PCCA: variants seen among roughly 807,000 people sequenced by gnomAD.
PCCA encodes propionyl-CoA carboxylase alpha chain, mitochondrial.
Under a neutral mutation model 101.3 loss-of-function variants are expected in PCCA, and 74 were observed. That is an observed-to-expected ratio of 0.73 (90% CI 0.61 to 0.89). PCCA has a LOEUF of 0.89. Ranked by LOEUF, PCCA falls within the 40% of genes least tolerant of loss-of-function variation. The pLI is 0.00. For missense variants in PCCA, 891 were observed against 907.0 expected (o/e 0.98, Z 0.23); for synonymous variants, 294 against 313.6 (o/e 0.94, Z 0.66).
intron 8 of PCCA, among the ~76,000 whole-genome samples, chr13:100,247,867 T>C (rs1208798962): frequency 6.6e-6 from 1 of 152,188 alleles, no homozygotes; most frequent in Non-Finnish European, 1.5e-5. Context: ...AAAAGTGATT[T>C]TCCAATTTTT....
intron 12 of PCCA, among the ~76,000 whole-genome samples, chr13:100,292,524 A>G (rs1161829064): frequency 6.6e-6 from 1 of 152,212 alleles, no homozygotes; most frequent in African/African-American, 2.4e-5. Flanking sequence ...GCTAACTGTG[A>G]GTATCTTATC....
chr13:100,513,986 T>G (rs2086658326), intron 21 of PCCA, among the ~76,000 whole-genome samples: 1 of 152,320 alleles, frequency 6.6e-6, no homozygotes, highest in African/African-American at 2.4e-5. Context: ...AATGAAGGAC[T>G]TGGAGGTACA....
intron 6 of PCCA, among the ~76,000 whole-genome samples, chr13:100,173,421 G>A (rs1594531112): frequency 2.6e-5 from 4 of 152,194 alleles, no homozygotes; most frequent in Admixed American, 2.6e-4. Context: ...ATGACGAGCT[G>A]CAGACATTGA....
chr13:100,311,326 TGGAG>T (rs2066900838), intron 16 of PCCA, among the ~76,000 whole-genome samples: 1 of 152,062 alleles, frequency 6.6e-6, no homozygotes, highest in Non-Finnish European at 1.5e-5. Context: ...ATTTGAAAAA[TGGAG>T]TGATAGTCTC....
At chr13:100,483,557 C>G (rs1216435442) in intron 21 of PCCA, among the ~76,000 whole-genome samples, 4 of 152,242 alleles carry the variant, frequency 2.6e-5, no homozygotes, top group African/African-American at 9.6e-5. Context: ...ATAAACTATA[C>G]CGCCCTCTTG....
intron 6 of PCCA, among the ~76,000 whole-genome samples, chr13:100,163,926 C>T (rs965045737): frequency 6.6e-6 from 1 of 152,096 alleles, no homozygotes; most frequent in Non-Finnish European, 1.5e-5. Context: ...TCCATCCTAA[C>T]ATTTCATATT....
intron 19 of PCCA, among the ~76,000 whole-genome samples, chr13:100,424,532 C>G (rs143797680): frequency 0.016 from 2,474 of 152,276 alleles, 69 homozygotes; most frequent in African/African-American, 0.056. Flanking sequence ...CAGAATGCCA[C>G]AAAACTGAGC....
intron 19 of PCCA, among the ~76,000 whole-genome samples, chr13:100,398,413 A>G (rs975864169): frequency 7.9e-5 from 12 of 152,208 alleles, no homozygotes; most frequent in African/African-American, 2.9e-4. Context: ...AAGCTGCAAT[A>G]CAAAAAATAT....
intron 16 of PCCA, among the ~76,000 whole-genome samples, chr13:100,329,623 C>T (rs2069244302): frequency 6.6e-6 from 1 of 151,778 alleles, no homozygotes; most frequent in African/African-American, 2.4e-5. Context: ...AAAATATTAT[C>T]ATTTTGAAGT....
At chr13:100,361,507 A>G (rs776249902) in intron 18 of PCCA, among the ~76,000 whole-genome samples, 4 of 152,056 alleles carry the variant, frequency 2.6e-5, no homozygotes, top group Non-Finnish European at 5.9e-5. Flanking sequence ...TAAGCAAACC[A>G]CAGAAGAGAA....
intron 19 of PCCA, among the ~76,000 whole-genome samples, chr13:100,410,080 T>C (rs2077938577): frequency 6.6e-6 from 1 of 151,826 alleles, no homozygotes; most frequent in Non-Finnish European, 1.5e-5. Context: ...ACTTGTGATA[T>C]GATTCAACAA....
chr13:100,299,408 T>C (rs2065879239), intron 12 of PCCA, among the ~76,000 whole-genome samples: 1 of 152,242 alleles, frequency 6.6e-6, no homozygotes, highest in Non-Finnish European at 1.5e-5. Context: ...TGTATAGCCA[T>C]TGCATATACT....
chr13:100,101,463 A>G (rs1175320093), intron 1 of PCCA, among the ~76,000 whole-genome samples: 1 of 152,180 alleles, frequency 6.6e-6, no homozygotes. Flanking sequence ...TAATAGGGAC[A>G]CAGTAATAAT....
chr13:100,351,168 A>G (rs1185315414), intron 18 of PCCA, among the ~76,000 whole-genome samples: 3 of 151,950 alleles, frequency 2.0e-5, no homozygotes, highest in African/African-American at 7.3e-5. Context: ...CATTTATAAT[A>G]AAATGTCAAA....
At chr13:100,434,017 T>C (rs572007593) in intron 20 of PCCA, among the ~76,000 whole-genome samples, 12 of 152,210 alleles carry the variant, frequency 7.9e-5, no homozygotes, top group Non-Finnish European at 1.6e-4. Context: ...TGAATGCTAG[T>C]AGGCTGAGAG....
intron 1 of PCCA, among the ~76,000 whole-genome samples, chr13:100,096,027 G>A (rs1025191794): frequency 4.6e-5 from 7 of 152,172 alleles, no homozygotes; most frequent in African/African-American, 1.7e-4. Flanking sequence ...TGGAGTTGCT[G>A]AGAACTGGTC....
At chr13:100,386,673 G>A (rs1006937431) in intron 19 of PCCA, among the ~76,000 whole-genome samples, 8 of 152,278 alleles carry the variant, frequency 5.3e-5, no homozygotes, top group East Asian at 3.9e-4. Context: ...GAGCCACCGC[G>A]CCCAGCCCTG....
At chr13:100,319,537 T>G (rs2152712760) in intron 16 of PCCA, among the ~76,000 whole-genome samples, 1 of 152,324 alleles carries the variant, frequency 6.6e-6, no homozygotes, top group Admixed American at 6.5e-5. Context: ...GGGATCCAGT[T>G]TCAGCTTTCT....
At chr13:100,334,832 A>G (rs917373642) in intron 17 of PCCA, among the ~76,000 whole-genome samples, 1 of 152,202 alleles carries the variant, frequency 6.6e-6, no homozygotes, top group East Asian at 1.9e-4. Context: ...TCATGAAAAG[A>G]AAAATGGAAA....
Sources: gnomAD v4.1 joint callset for allele counts (sites outside exome capture counted in the v4.1 genomes callset) on GRCh38, gnomAD v4.1.1 for gene constraint, MANE v1.5 for transcripts, NCBI Gene and HGNC (gene_info 2026-07-23, HGNC 2026-07-21) for gene names.